TENM3: variants seen among roughly 807,000 people sequenced by gnomAD.
TENM3 encodes the protein teneurin transmembrane protein 3, also known as teneurin-3.
In TENM3, 63 loss-of-function variants were observed where a neutral mutation model predicts 255.1. The ratio of observed to expected loss-of-function variants is 0.25; its 90% CI spans 0.20 to 0.30. The LOEUF (loss-of-function observed/expected upper bound fraction) is 0.30, where lower values mean the gene tolerates loss of function less well. Ranked by LOEUF, TENM3 falls within the 10% of genes least tolerant of loss-of-function variation. The probability of loss-of-function intolerance (pLI) is 1.00; values close to 1 mark genes in which losing one functional copy is unlikely to be tolerated. For synonymous variants in TENM3, 1,306 were observed against 1,322.3 expected (o/e 0.99, Z 0.27); for missense variants, 2,929 against 3,461.1 (o/e 0.85, Z 3.86).
chr4:182,640,608 C>T (rs766274187), intron 5 of TENM3, among the ~76,000 whole-genome samples: 2 of 152,056 alleles, frequency 1.3e-5, no homozygotes, highest in Non-Finnish European at 2.9e-5. Flanking sequence ...AAAAGAGTCA[C>T]ATAAAGAGAA....
At chr4:182,036,498 T>C in the TENM3 span, among the ~76,000 whole-genome samples, 5 of 152,158 alleles carry the variant, frequency 3.3e-5, no homozygotes, top group African/African-American at 1.2e-4. Context: ...GCCGATAATC[T>C]AATGTCTGTC....
the TENM3 span, among the ~76,000 whole-genome samples, chr4:181,618,055 T>C: frequency 2.0e-5 from 3 of 152,130 alleles, no homozygotes; most frequent in Non-Finnish European, 1.5e-5. Flanking sequence ...ATCAGTGGTG[T>C]CATCTGAAAA....
the TENM3 span, among the ~76,000 whole-genome samples, chr4:181,947,612 A>C: frequency 6.6e-6 from 1 of 152,182 alleles, no homozygotes; most frequent in Non-Finnish European, 1.5e-5. Flanking sequence ...GTTACTTATA[A>C]AGTTACAGCA....
intron 1 of TENM3, among the ~76,000 whole-genome samples, chr4:182,161,230 C>A (rs1363650484): frequency 2.1e-5 from 3 of 140,628 alleles, no homozygotes; most frequent in African/African-American, 7.9e-5. Context: ...TCCTGGCTAA[C>A]ACGGTGAAAC....
At chr4:182,750,845 A>G (rs543139519) in intron 19 of TENM3, among the ~76,000 whole-genome samples, 2 of 152,296 alleles carry the variant, frequency 1.3e-5, no homozygotes, top group South Asian at 2.1e-4. Flanking sequence ...ACACCAAATC[A>G]TTTAAATTAT....
chr4:182,253,142 C>T (rs1758138269), intron 1 of TENM3, among the ~76,000 whole-genome samples: 1 of 152,196 alleles, frequency 6.6e-6, no homozygotes, highest in South Asian at 2.1e-4. Flanking sequence ...CATCCAGAAA[C>T]ACTGGCTTCA....
At chr4:182,033,682 A>G in the TENM3 span, among the ~76,000 whole-genome samples, 1 of 152,074 alleles carries the variant, frequency 6.6e-6, no homozygotes, top group East Asian at 1.9e-4. Context: ...ATCTCTTTGC[A>G]TGTCTCTAAG....
chr4:181,561,467 G>T, the TENM3 span, among the ~76,000 whole-genome samples: 2 of 152,106 alleles, frequency 1.3e-5, no homozygotes, highest in African/African-American at 4.8e-5. Flanking sequence ...CATATGAAAA[G>T]CAAAAGCAAA....
the TENM3 span, among the ~76,000 whole-genome samples, chr4:181,888,546 A>G: frequency 3.2e-4 from 37 of 116,056 alleles, 1 homozygote; most frequent in African/African-American, 1.2e-3. Flanking sequence ...GTATATATAT[A>G]TATGTATATA....
chr4:182,348,635 A>C (rs10014706), intron 3 of TENM3, among the ~76,000 whole-genome samples: 149,190 of 152,264 alleles, frequency 0.98, 73,171 homozygotes, highest in Middle Eastern at 1. Flanking sequence ...CACTTTCCAA[A>C]CAAACCTTCT....
At chr4:182,653,976 G>A in intron 6 of TENM3, 83 bp downstream of exon 6, 1 of 1,346,340 alleles carries the variant, frequency 7.4e-7, no homozygotes, top group Non-Finnish European at 1.0e-6. Context: ...CTTACATCTA[G>A]TTTAGATGGA....
chr4:181,910,966 G>A, the TENM3 span, among the ~76,000 whole-genome samples: 1 of 151,986 alleles, frequency 6.6e-6, no homozygotes, highest in Non-Finnish European at 1.5e-5. Flanking sequence ...GCTGCAATGT[G>A]CATCCTTTAA....
the TENM3 span, among the ~76,000 whole-genome samples, chr4:181,656,491 T>C: frequency 6.6e-6 from 1 of 151,998 alleles, no homozygotes; most frequent in African/African-American, 2.4e-5. Flanking sequence ...GAATAGGCAA[T>C]GGTGTGATGA....
chr4:182,246,717 T>C (rs1466804268), intron 1 of TENM3, among the ~76,000 whole-genome samples: 1 of 152,206 alleles, frequency 6.6e-6, no homozygotes, highest in African/African-American at 2.4e-5. Flanking sequence ...GAGATATGAA[T>C]CATGCCATGT....
chr4:182,003,030 G>T, the TENM3 span, among the ~76,000 whole-genome samples: 1 of 151,910 alleles, frequency 6.6e-6, no homozygotes, highest in Admixed American at 6.6e-5. Context: ...GAGATATATT[G>T]ATCATTTTTT....
intron 3 of TENM3, among the ~76,000 whole-genome samples, chr4:182,521,977 C>T (rs950138705): frequency 9.2e-5 from 14 of 152,070 alleles, no homozygotes; most frequent in Non-Finnish European, 1.3e-4. Flanking sequence ...ACTTATATGA[C>T]GTTCTAACTC....
At chr4:181,602,491 A>G in the TENM3 span, among the ~76,000 whole-genome samples, 1 of 152,200 alleles carries the variant, frequency 6.6e-6, no homozygotes, top group Admixed American at 6.5e-5. Flanking sequence ...CATTAGTGAC[A>G]AGTTTTATAT....
chr4:181,759,313 A>C, the TENM3 span, among the ~76,000 whole-genome samples: 1 of 152,270 alleles, frequency 6.6e-6, no homozygotes, highest in South Asian at 2.1e-4. Flanking sequence ...AGAGGGACAA[A>C]GACTTTTAGA....
the TENM3 span, among the ~76,000 whole-genome samples, chr4:181,625,729 G>A: frequency 1.3e-5 from 2 of 151,920 alleles, no homozygotes; most frequent in African/African-American, 2.4e-5. Flanking sequence ...AAGGAGAATG[G>A]CGTGAACCCA....
Sources: allele counts gnomAD v4.1 joint callset (sites outside exome capture counted in the v4.1 genomes callset), GRCh38; gene constraint gnomAD v4.1.1; transcripts MANE v1.5; gene names NCBI Gene and HGNC (gene_info 2026-07-23, HGNC 2026-07-21).